The following GALNT9 variants were observed in gnomAD, a reference collection of about 807,000 sequenced individuals.
GALNT9 encodes polypeptide N-acetylgalactosaminyltransferase 9, also known as GalNAc transferase 9.
GALNT9 carries 47 observed loss-of-function variants against 63.1 expected under a neutral mutation model. The ratio of observed to expected loss-of-function variants is 0.75; its 90% CI spans 0.59 to 0.95. The LOEUF (loss-of-function observed/expected upper bound fraction) is 0.95. Among genes scored for constraint, GALNT9 ranks in the 40% least tolerant of loss-of-function variants. The probability of loss-of-function intolerance (pLI) is 0.00; values close to 1 mark genes in which losing one functional copy is unlikely to be tolerated. For synonymous variants in GALNT9, 396 were observed against 365.7 expected, an observed-to-expected ratio of 1.08 and a Z score of -0.94; for missense variants, 829 against 874.8, an observed-to-expected ratio of 0.95 and a Z score of 0.66.
Position 132,196,433 on chromosome 12 carries a change from G to A in GALNT9, c.*674C>T, listed in dbSNP as rs1032016808. 9 of 985,130 alleles carry A rather than the reference G, an allele frequency of 9.1e-6. No homozygotes were observed. Among genetic ancestry groups the A allele is most frequent in the African/African-American group, 5.2e-5 (3 of 57,246 alleles). 61.0% of individuals were successfully genotyped at this position (985,130 alleles called of 1,614,324 possible). A position where few individuals can be genotyped will look rare whatever the true frequency, so the allele number is the denominator to read the frequency against. On this transcript the variant is annotated 3_prime_UTR_variant, in exon 11 of 11. Coordinates refer to ENST00000328957, the MANE Select transcript of GALNT9 (RefSeq NM_001122636.2). Reference sequence around the variant, plus strand: ...CAGGCAAGGGGCTGGGCTGCGGCAGGGCCCAGGTGCCTGGGAAAGAGGTGG... The same window carrying A: ...CAGGCAAGGGGCTGGGCTGCGGCAGAGCCCAGGTGCCTGGGAAAGAGGTGG...
Position 132,327,619 on chromosome 12 carries a change from G to A in GALNT9, c.238+1347C>T, listed in dbSNP as rs574550652. Among the ~76,000 whole-genome samples, 3 of 152,256 alleles carry A rather than the reference G, an allele frequency of 2.0e-5. No individual in the cohort carries two copies. The highest frequency in any genetic ancestry group is 2.1e-4 in the South Asian group (1 of 4,822). On this transcript the variant is annotated intron_variant, in intron 1 of 10. Coordinates refer to ENST00000328957, the MANE Select transcript of GALNT9 (RefSeq NM_001122636.2). This position sits in a 1 kb window ranked among gnomAD's most constrained non-coding sequence, Gnocchi z 4.3. ...GAATTGCTCTGCCGGGCGGCTGGGC[G>A]GCTGCTTGAACTACTTTTCTCCCCT...
rs994139825 is a variant in GALNT9 at position 132,197,439 on chromosome 12, G to A, written c.1666-186C>T. 7.4e-5 allele frequency among the ~76,000 whole-genome samples: 11 copies of A among 148,972 alleles called. 1 individual carries two copies. The highest frequency in any genetic ancestry group is 1.3e-4 in the Non-Finnish European group (9 of 67,984). ...GGGCTGACTTCAGTGGAGCTTCGAG[G>A]ATTTCCCATCTTTCCTGCAGGGCTA... On this transcript the variant is annotated intron_variant, in intron 10 of 10. Transcript: ENST00000328957.
intron 2 of GALNT9, among the ~76,000 whole-genome samples, chr12:132,267,773 A>T (rs1392192398): frequency 4.3e-5 from 5 of 117,320 alleles, no homozygotes; most frequent in Non-Finnish European, 8.8e-5. Flanking sequence ...ACATGCACTC[A>T]CACACACGCA....
intron 2 of GALNT9, chr12:132,280,980 G>C (rs1205719546): frequency 3.3e-5 from 5 of 152,344 alleles, no homozygotes; most frequent in African/African-American, 1.2e-4. Context: ...TTAAGGGAGC[G>C]ATGCGTGGTC....
intron 6 of GALNT9, among the ~76,000 whole-genome samples, chr12:132,225,024 ACAC>A (rs1365820371): frequency 5.5e-5 from 5 of 90,744 alleles, no homozygotes; most frequent in African/African-American, 2.3e-4. Flanking sequence ...CCCCCCCCAC[ACAC>A]CACATAACCC....
intron 1 of GALNT9, among the ~76,000 whole-genome samples, chr12:132,328,621 C>A (rs892450806): frequency 3.2e-4 from 49 of 152,282 alleles, no homozygotes; most frequent in Admixed American, 2.5e-3. Context: ...GAGCGCCAAG[C>A]CAGCCCCCCA....
At chr12:132,298,549 T>C (rs1309381234) in intron 1 of GALNT9, among the ~76,000 whole-genome samples, 1 of 146,876 alleles carries the variant, frequency 6.8e-6, no homozygotes, top group African/African-American at 2.6e-5. Context: ...ATCCCTGAGA[T>C]AACCAAGCCA....
intron 1 of GALNT9, among the ~76,000 whole-genome samples, chr12:132,308,115 G>A (rs1386329188): frequency 6.6e-6 from 1 of 152,158 alleles, no homozygotes; most frequent in African/African-American, 2.4e-5. Context: ...AGAGGAAACA[G>A]CTGCGTGTGA....
chr12:132,299,110 A>C, intron 1 of GALNT9, among the ~76,000 whole-genome samples: 1 of 120,472 alleles, frequency 8.3e-6, no homozygotes, highest in Non-Finnish European at 1.7e-5. Flanking sequence ...GAGATAACCC[A>C]CTCCCATGAT....
Position 132,253,187 on chromosome 12 carries a change from G to A in GALNT9, c.959+4502C>T, listed in dbSNP as rs555173771. 1.8e-3 allele frequency among the ~76,000 whole-genome samples: 280 copies of A among 152,254 alleles called. 4 individuals are homozygous for A. Among genetic ancestry groups the A allele is most frequent in the African/African-American group, 4.0e-3 (165 of 41,504 alleles). ...AACTCCAAAGAGGAACCAGGAGTGC[G>A]GGAGGAGCATGAAAGTGGACAAGGA... On this transcript the variant is annotated intron_variant, in intron 5 of 10. Transcript: ENST00000328957.
At chr12:132,209,371 T>A (rs60104488) in intron 6 of GALNT9, among the ~76,000 whole-genome samples, 2,409 of 142,468 alleles carry the variant, frequency 0.017, 51 homozygotes, top group African/African-American at 0.064. Flanking sequence ...CTAAAAAAAA[T>A]AAATAAATAA....
At chr12:132,248,794 T>C (rs895656334) in intron 5 of GALNT9, among the ~76,000 whole-genome samples, 1 of 152,240 alleles carries the variant, frequency 6.6e-6, no homozygotes, top group Admixed American at 6.5e-5. Context: ...CCCATCTCTG[T>C]GAAATCATGC....
chr12:132,281,331 T>G (rs1267147230), intron 2 of GALNT9, among the ~76,000 whole-genome samples: 1 of 152,162 alleles, frequency 6.6e-6, no homozygotes, highest in African/African-American at 2.4e-5. Context: ...TGGGCAGGGC[T>G]CGTGAGGGGC....
At chr12:132,218,712 G>A (rs886510096) in intron 6 of GALNT9, among the ~76,000 whole-genome samples, 1 of 152,188 alleles carries the variant, frequency 6.6e-6, no homozygotes, top group Admixed American at 6.5e-5. Flanking sequence ...CGCAGTGGGC[G>A]CCATTCATCA....
intron 6 of GALNT9, among the ~76,000 whole-genome samples, chr12:132,210,199 G>A (rs952671911): frequency 2.6e-5 from 4 of 152,262 alleles, no homozygotes; most frequent in African/African-American, 7.2e-5. Flanking sequence ...ACATCACAGC[G>A]AGAGGAGAGA....
rs1555238015 is a variant in GALNT9 at position 132,246,540 on chromosome 12, A to G, written c.1077+1370T>C. On this transcript the variant is annotated intron_variant, in intron 6 of 10. Transcript: ENST00000328957. This position sits in a 1 kb window ranked among gnomAD's most constrained non-coding sequence, Gnocchi z 4.7. ...CGGTATTATTTTATTTTATTTTATC[A>G]TATATTTTTTGAAATGGAGTCTCAC... Among the ~76,000 whole-genome samples, 1 of 152,066 alleles carries G rather than the reference A, an allele frequency of 6.6e-6. No individual in the cohort carries two copies.
intron 10 of GALNT9, among the ~76,000 whole-genome samples, 198 bp downstream of exon 10, chr12:132,197,594 A>T (rs1342784213): frequency 6.7e-6 from 1 of 148,722 alleles, no homozygotes; most frequent in Admixed American, 6.6e-5. Context: ...TGGCTGTGTG[A>T]CCCTGACCAG....
chr12:132,267,757 A>ACACACACGCACTCACACT lies in GALNT9; in HGVS notation c.420-5133_420-5132insAGTGTGAGTGCGTGTGTG, dbSNP rs146217743. Among the ~76,000 whole-genome samples, 186 of 144,510 alleles carry ACACACACGCACTCACACT rather than the reference A, an allele frequency of 1.3e-3. 4 individuals carry two copies. Among genetic ancestry groups the ACACACACGCACTCACACT allele is most frequent in the African/African-American group, 5.1e-3 (179 of 34,770 alleles). The allele number at this position is 144,510 out of a possible 152,430, so 94.8% of individuals were successfully genotyped here. A position where few individuals can be genotyped will look rare whatever the true frequency, so the allele number is the denominator to read the frequency against. ...GGGAAATACACAAGCACACACACTCACACACACATGCACTCACACACACGC... is the reference window on the plus strand; with the variant it reads ...GGGAAATACACAAGCACACACACTCACACACACGCACTCACACTCACACACATGCACTCACACACACGC... On this transcript the variant is annotated intron_variant, in intron 2 of 10. Coordinates refer to ENST00000328957, the MANE Select transcript of GALNT9 (RefSeq NM_001122636.2).
Position 132,196,964 on chromosome 12 carries a change from AC to A in GALNT9, c.*142del, listed in dbSNP as rs1405029974. On this transcript the variant is annotated 3_prime_UTR_variant, in exon 11 of 11. Transcript: ENST00000328957. ...GGTGACACCCTGGTCACTCAGCCAC[AC>A]CCCGGCCCCTCAGCCTCTGCTGTCC... The A allele has an allele frequency of 1.3e-6, 2 of 1,488,154 alleles. No homozygotes were observed. The highest frequency in any genetic ancestry group is 8.9e-7 in the Non-Finnish European group (1 of 1,124,052). The allele number at this position is 1,488,154 out of a possible 1,614,324, so 92.2% of individuals were successfully genotyped here. A position where few individuals can be genotyped will look rare whatever the true frequency, so the allele number is the denominator to read the frequency against.
Sources: gnomAD v4.1 joint callset for allele counts (sites outside exome capture counted in the v4.1 genomes callset) on GRCh38, gnomAD v4.1.1 for gene constraint, Gnocchi (gnomAD v3.1) non-coding constraint, MANE v1.5 for transcripts, NCBI Gene and HGNC (gene_info 2026-07-23, HGNC 2026-07-21) for gene names.